Variants in FSTL5 observed in about 807,000 individuals in gnomAD.
The protein encoded by FSTL5 is follistatin like 5, also known as follistatin-related protein 5.
In FSTL5, 62 loss-of-function variants were observed where a neutral mutation model predicts 89.1. The observed-to-expected ratio is 0.70, with a 90% confidence interval of 0.57 to 0.86. The LOEUF is 0.86. FSTL5 is among the 40% of genes least tolerant of loss of function. FSTL5 has a pLI of 0.00. For synonymous variants in FSTL5, 383 were observed against 346.2 expected (o/e 1.11, Z -1.18); for missense variants, 1,057 against 1,001.6 (o/e 1.06, Z -0.75).
intron 7 of FSTL5, among the ~76,000 whole-genome samples, chr4:161,595,108 C>A (rs992449099): frequency 2.6e-5 from 4 of 151,400 alleles, no homozygotes; most frequent in African/African-American, 7.3e-5. Context: ...TTAATCTTAG[C>A]CAAGCCTCAA....
chr4:162,150,791 G>A (rs1182458023), intron 1 of FSTL5, among the ~76,000 whole-genome samples: 1 of 152,092 alleles, frequency 6.6e-6, no homozygotes, highest in East Asian at 1.9e-4. Context: ...ATTTTACCAA[G>A]TAATTCAACT....
intron 5 of FSTL5, among the ~76,000 whole-genome samples, chr4:161,774,085 C>A (rs187994002): frequency 6.6e-4 from 101 of 152,134 alleles, no homozygotes; most frequent in African/African-American, 2.2e-3. Context: ...CATGGTGAAA[C>A]CCCGTCTCTA....
rs565504635 is a variant in FSTL5, at chr4:161,557,232, A to G, written c.1016-14539T>C. Among the ~76,000 whole-genome samples, 7 of 151,600 alleles carry G rather than the reference A, an allele frequency of 4.6e-5. No homozygotes were observed. The South Asian group carries it at 1.5e-3, about 32-fold the overall frequency. On this transcript the variant is annotated intron_variant, in intron 8 of 15. Coordinates refer to ENST00000306100, the MANE Select transcript of FSTL5 (RefSeq NM_020116.5). Reference sequence around the variant, plus strand: ...AAGAGCAGCCTTAAAAATTATATATAAATCATAATAAGCCTAAAACTTGCT... The same window carrying G: ...AAGAGCAGCCTTAAAAATTATATATGAATCATAATAAGCCTAAAACTTGCT...
At chr4:162,146,052 T>C (rs1732971614) in intron 1 of FSTL5, among the ~76,000 whole-genome samples, 1 of 152,142 alleles carries the variant, frequency 6.6e-6, no homozygotes, top group Admixed American at 6.5e-5. Context: ...TTGATTTTTT[T>C]ATAACTAAAA....
intron 4 of FSTL5, among the ~76,000 whole-genome samples, chr4:161,872,832 A>G (rs1732318391): frequency 6.6e-6 from 1 of 152,190 alleles, no homozygotes; most frequent in African/African-American, 2.4e-5. Flanking sequence ...TATGTTTTTT[A>G]TTTGAGAAAC....
Position 161,688,134 on chromosome 4 carries a change from A to G in FSTL5, c.728-31640T>C, listed in dbSNP as rs1362290968. ...GTCTCCCTCTGTCACTCAGGCTGGA[A>G]TGCAGAGGAGTGATCACTGCTCTCT... On this transcript the variant is annotated intron_variant, in intron 6 of 15. Coordinates refer to ENST00000306100, the MANE Select transcript of FSTL5 (RefSeq NM_020116.5). Among the ~76,000 whole-genome samples the G allele has an allele frequency of 5.9e-5, 9 of 152,182 alleles. No individual in the cohort carries two copies. In the East Asian group the frequency reaches 1.7e-3, roughly 29 times the overall value.
intron 1 of FSTL5, among the ~76,000 whole-genome samples, chr4:162,143,813 CACACACAT>C (rs1481831482): frequency 1.4e-5 from 2 of 144,350 alleles, no homozygotes; most frequent in African/African-American, 5.2e-5. Flanking sequence ...CACACACACA[CACACACAT>C]ACAAACACAC....
At chr4:161,526,477 G>C (rs576035067) in intron 10 of FSTL5, among the ~76,000 whole-genome samples, 1 of 152,254 alleles carries the variant, frequency 6.6e-6, no homozygotes, top group East Asian at 1.9e-4. Context: ...TACTGCGTGA[G>C]ATAGAAAAGT....
chr4:161,966,640 G>C (rs1735335014), intron 3 of FSTL5, among the ~76,000 whole-genome samples: 1 of 152,074 alleles, frequency 6.6e-6, no homozygotes, highest in Non-Finnish European at 1.5e-5. Context: ...TGAAGACACA[G>C]AGAAAACATG....
At chr4:161,570,847 G>A (rs1483974082) in intron 8 of FSTL5, among the ~76,000 whole-genome samples, 1 of 152,250 alleles carries the variant, frequency 6.6e-6, no homozygotes, top group South Asian at 2.1e-4. Context: ...CGGGTGTGGT[G>A]GTTCACACCT....
At chr4:161,563,903 C>G (rs1732701216) in intron 8 of FSTL5, among the ~76,000 whole-genome samples, 1 of 151,278 alleles carries the variant, frequency 6.6e-6, no homozygotes, top group African/African-American at 2.4e-5. Context: ...GTAATTAAGC[C>G]AAAATGAAAA....
intron 1 of FSTL5, among the ~76,000 whole-genome samples, chr4:162,147,007 C>A (rs1212397514): frequency 3.3e-5 from 5 of 151,916 alleles, no homozygotes; most frequent in African/African-American, 1.2e-4. Context: ...GTCTCGAACT[C>A]CTGACCTCAA....
intron 8 of FSTL5, among the ~76,000 whole-genome samples, chr4:161,550,830 G>T (rs909526619): frequency 1.3e-5 from 2 of 150,410 alleles, no homozygotes; most frequent in Non-Finnish European, 2.9e-5. Context: ...GAGAATATGC[G>T]GTGTTTGGTT....
At chr4:162,039,415 A>G (rs144120506) in intron 2 of FSTL5, among the ~76,000 whole-genome samples, 3 of 152,038 alleles carry the variant, frequency 2.0e-5, no homozygotes, top group Admixed American at 1.3e-4. Context: ...TAACATGACT[A>G]TTTTTAAAAA....
At chr4:161,880,926 A>C (rs561076936) in intron 4 of FSTL5, among the ~76,000 whole-genome samples, 1 of 152,180 alleles carries the variant, frequency 6.6e-6, no homozygotes, top group Non-Finnish European at 1.5e-5. Flanking sequence ...CAGCAAAGGA[A>C]ATTTTTTTGA....
At chr4:161,565,101 C>A (rs1578929197) in intron 8 of FSTL5, among the ~76,000 whole-genome samples, 1 of 151,824 alleles carries the variant, frequency 6.6e-6, no homozygotes, top group Non-Finnish European at 1.5e-5. Context: ...TTTGTGTTAG[C>A]TGAAAATGTG....
At chr4:161,391,399 C>T (rs1384357025) in intron 15 of FSTL5, among the ~76,000 whole-genome samples, 1 of 152,040 alleles carries the variant, frequency 6.6e-6, no homozygotes, top group Non-Finnish European at 1.5e-5. Context: ...ATGCTATAAT[C>T]ATAATTCTTC....
intron 6 of FSTL5, among the ~76,000 whole-genome samples, chr4:161,700,629 G>A (rs1344707283): frequency 6.6e-6 from 1 of 151,860 alleles, no homozygotes; most frequent in Non-Finnish European, 1.5e-5. Flanking sequence ...CACCCGCCTG[G>A]GCCTCCCAAA....
chr4:161,460,764 T>G (rs1481654839), intron 13 of FSTL5, among the ~76,000 whole-genome samples: 4 of 152,086 alleles, frequency 2.6e-5, no homozygotes, highest in Admixed American at 6.5e-5. Context: ...TCTTTACCCC[T>G]TTTTTCCTCG....
Sources: allele counts gnomAD v4.1 joint callset (sites outside exome capture counted in the v4.1 genomes callset), GRCh38; gene constraint gnomAD v4.1.1; transcripts MANE v1.5; gene names NCBI Gene and HGNC (gene_info 2026-07-23, HGNC 2026-07-21).